Variants in WNT2 observed in about 807,000 individuals in gnomAD.
WNT2 encodes protein Wnt-2.
WNT2 carries 12 observed loss-of-function variants against 36.9 expected under a neutral mutation model. The ratio of observed to expected loss-of-function variants is 0.33; its 90% CI spans 0.21 to 0.53. The LOEUF (loss-of-function observed/expected upper bound fraction) is 0.53, where lower values mean the gene tolerates loss of function less well. WNT2 is among the 20% of genes least tolerant of loss of function. The probability of loss-of-function intolerance (pLI) is 0.95; values close to 1 mark genes in which losing one functional copy is unlikely to be tolerated. For synonymous variants in WNT2, 163 were observed against 174.6 expected (o/e 0.93, Z 0.52); for missense variants, 379 against 473.1 (o/e 0.80, Z 1.84).
intron 4 of WNT2, among the ~76,000 whole-genome samples, chr7:117,296,725 G>T (rs910333761): frequency 6.6e-6 from 1 of 152,198 alleles, no homozygotes; most frequent in African/African-American, 2.4e-5. Context: ...AACCTGATAG[G>T]TGGGACAGCT....
chr7:117,307,552 AC>A (rs1248266656), intron 3 of WNT2, among the ~76,000 whole-genome samples: 1 of 152,174 alleles, frequency 6.6e-6, no homozygotes, highest in Non-Finnish European at 1.5e-5. Context: ...AAGCTTTTAC[AC>A]TTAGTGTTTG....
chr7:117,291,062 G>A (rs1209030627), intron 4 of WNT2, among the ~76,000 whole-genome samples: 1 of 152,150 alleles, frequency 6.6e-6, no homozygotes, highest in Non-Finnish European at 1.5e-5. Context: ...CTGCAAAGTA[G>A]GCCACACCAC....
chr7:117,281,300 C>G (rs192769763), intron 4 of WNT2, among the ~76,000 whole-genome samples: 2 of 152,128 alleles, frequency 1.3e-5, no homozygotes, highest in Non-Finnish European at 2.9e-5. Flanking sequence ...GGCAGTGGCA[C>G]GAACATGGCT....
chr7:117,297,723 G>A lies in WNT2; in HGVS notation c.742C>T (p.Gln248Ter), dbSNP rs1482461289. 1.2e-6 allele frequency: 2 copies of A among 1,614,000 alleles called. No individual in the cohort carries two copies. The highest frequency in any genetic ancestry group is 3.3e-5 in the Admixed American group (2 of 59,986). Reference protein sequence around the residue: ...YNGAIQVVMNQDGTGFTVANE... With the variant: ...YNGAIQVVMN ...GCCACAGTGAAACCTGTGCCATCCT[G>A]GTTCATGACCACCTGGATGGCCCCA... is the stretch of plus-strand genomic sequence containing the variant. The change falls in exon 4 of 5, where the codon CAG becomes TAG. Residue 248 changes from glutamine (Q) to a stop codon, truncating the protein, a stop_gained. Coordinates refer to ENST00000265441, the MANE Select transcript of WNT2 (RefSeq NM_003391.3). LOFTEE classifies it high-confidence loss of function.
chr7:117,310,531 C>T lies in WNT2; in HGVS notation c.588+4540G>A, dbSNP rs369796317. ...CCAGGAGGTCCAGGCTCTAGTGAGC[C>T]GAGATTGTGCCACCGCACTCCAGCC... On this transcript the variant is annotated intron_variant, in intron 3 of 4. Transcript: ENST00000265441. 5.4e-4 allele frequency among the ~76,000 whole-genome samples: 77 copies of T among 141,976 alleles called. 2 individuals are homozygous for T. The highest frequency in any genetic ancestry group is 1.9e-3 in the African/African-American group (71 of 37,366). 93.1% of individuals were successfully genotyped at this position (141,976 alleles called of 152,430 possible).
chr7:117,297,586 C>G (rs374842081), intron 4 of WNT2, 26 bp downstream of exon 4: 2 of 1,595,000 alleles, frequency 1.3e-6, no homozygotes, highest in African/African-American at 2.7e-5. Flanking sequence ...GAATTAGGTA[C>G]TATAAAGAAA....
chr7:117,311,469 A>C (rs1377642586), intron 3 of WNT2, among the ~76,000 whole-genome samples: 2 of 152,194 alleles, frequency 1.3e-5, no homozygotes, highest in Non-Finnish European at 2.9e-5. Context: ...TAGTCTCTCC[A>C]TCCCTCTCAG....
At chr7:117,278,862 A>C (rs1794429404) in intron 4 of WNT2, among the ~76,000 whole-genome samples, 1 of 152,198 alleles carries the variant, frequency 6.6e-6, no homozygotes, top group African/African-American at 2.4e-5. Flanking sequence ...AGGGAATTTT[A>C]TCTCCATAGA....
rs1223895284 is a variant in WNT2, at chr7:117,320,627, G to A, written c.250C>T (p.Arg84Cys). ...CTGTCCAGGGTGTTGCAATTCCAGC[G>A]GTGCTGGCGGAACTGGTGCTGGCAT... The part of the protein sequence containing the change: ...AECQHQFRQH[R>C]WNCNTLDRDH... Residue 84 changes from arginine (R) to cysteine (C), a missense_variant, in exon 2 of 5, where the codon CGC (arginine) becomes TGC (cysteine). By Grantham distance (180) the Arg-to-Cys change is radical. Transcript: ENST00000265441. The A allele has an allele frequency of 1.2e-6, 2 of 1,613,846 alleles. No individual in the cohort carries two copies.
At chr7:117,295,204 T>G (rs1794767273) in intron 4 of WNT2, among the ~76,000 whole-genome samples, 1 of 152,194 alleles carries the variant, frequency 6.6e-6, no homozygotes, top group Non-Finnish European at 1.5e-5. Context: ...GATCTGCCTC[T>G]TACTAACCAC....
intron 2 of WNT2, 34 bp downstream of exon 2, chr7:117,320,533 G>A (rs1004844618): frequency 5.0e-6 from 8 of 1,585,124 alleles, no homozygotes; most frequent in African/African-American, 1.3e-5. Context: ...CATGAGTGGA[G>A]AGCCATAGGG....
chr7:117,320,370 T>A lies in WNT2; in HGVS notation c.310+197A>T, dbSNP rs1584699006. 9 of 601,176 alleles carry A rather than the reference T, an allele frequency of 1.5e-5. No homozygotes were observed. In the East Asian group the frequency reaches 2.6e-4, roughly 17 times the overall value. The allele number at this position is 601,176 out of a possible 1,614,324, so 37.2% of individuals were successfully genotyped here. A position where few individuals can be genotyped will look rare whatever the true frequency, so the allele number is the denominator to read the frequency against. On this transcript the variant is annotated intron_variant, in intron 2 of 4. Coordinates refer to ENST00000265441, the MANE Select transcript of WNT2 (RefSeq NM_003391.3). ...CTGGGGTTCTACTTCTTCCTTTTGA[T>A]TCACCTCTTACAAACCTCTAGACAT...
Position 117,315,297 on chromosome 7 carries a change from A to C in WNT2, c.362T>G (p.Phe121Cys). The change falls in exon 3 of 5, where the codon TTT becomes TGT. Residue 121 changes from phenylalanine (F) to cysteine (C), a missense_variant. Transcript: ENST00000265441. ...VYAISSAGVV[F>C]AITRACSQGE... ...TTGGCTACAGGCCCTGGTGATGGCAAATACAACTCCAGCTGAGGAGATGGC... is the reference window on the plus strand; with the variant it reads ...TTGGCTACAGGCCCTGGTGATGGCACATACAACTCCAGCTGAGGAGATGGC... 6.2e-7 allele frequency: 1 copy of C among 1,614,184 alleles called. No homozygotes were observed. Among genetic ancestry groups the C allele is most frequent in the South Asian group, 1.1e-5 (1 of 91,080 alleles).
At chr7:117,312,405 T>C (rs762019615) in intron 3 of WNT2, among the ~76,000 whole-genome samples, 13 of 152,088 alleles carry the variant, frequency 8.5e-5, no homozygotes, top group Non-Finnish European at 1.8e-4. Flanking sequence ...GCTGGAAGAG[T>C]GGACAAATTT....
At chr7:117,289,558 G>C (rs761519745) in intron 4 of WNT2, among the ~76,000 whole-genome samples, 3 of 152,238 alleles carry the variant, frequency 2.0e-5, no homozygotes, top group Non-Finnish European at 4.4e-5. Context: ...AAGGAACCAA[G>C]TTATCTTTAA....
At chr7:117,280,283 A>T in intron 4 of WNT2, among the ~76,000 whole-genome samples, 1 of 152,184 alleles carries the variant, frequency 6.6e-6, no homozygotes, top group East Asian at 1.9e-4. Context: ...CAGTCCTCAA[A>T]ATTTACTGAT....
intron 4 of WNT2, among the ~76,000 whole-genome samples, chr7:117,289,218 C>T (rs1213667058): frequency 5.3e-5 from 8 of 151,926 alleles, no homozygotes; most frequent in African/African-American, 9.7e-5. Context: ...CCACAACGCC[C>T]GGCTAATTTT....
chr7:117,310,417 C>A (rs990957439), intron 3 of WNT2, among the ~76,000 whole-genome samples: 3 of 151,506 alleles, frequency 2.0e-5, no homozygotes, highest in Non-Finnish European at 4.4e-5. Flanking sequence ...AACAAACAAA[C>A]AAATAAGAAA....
chr7:117,280,892 A>G (rs1794470404), intron 4 of WNT2, among the ~76,000 whole-genome samples: 1 of 152,260 alleles, frequency 6.6e-6, no homozygotes, highest in Admixed American at 6.5e-5. Flanking sequence ...TTCTGGGAAC[A>G]TGGGATATAT....
Sources: allele counts gnomAD v4.1 joint callset (sites outside exome capture counted in the v4.1 genomes callset), GRCh38; gene constraint gnomAD v4.1.1; transcripts MANE v1.5; gene names NCBI Gene and HGNC (gene_info 2026-07-23, HGNC 2026-07-21).